The following ANKS1B variants were observed in gnomAD, a reference collection of about 807,000 sequenced individuals.
ANKS1B encodes ankyrin repeat and sterile alpha motif domain containing 1B.
A neutral mutation model predicts 148.3 loss-of-function variants in ANKS1B; 36 were observed. The ratio of observed to expected loss-of-function variants is 0.24; its 90% confidence interval spans 0.19 to 0.32. ANKS1B has a LOEUF of 0.32. ANKS1B is among the 10% of genes least tolerant of loss of function. The pLI, the probability that ANKS1B is intolerant of heterozygous loss-of-function variation, is 1.00. For missense variants in ANKS1B, 1,157 were observed against 1,542.6 expected (o/e 0.75, Z 4.19); for synonymous variants, 542 against 560.8 (o/e 0.97, Z 0.47).
chr12:99,003,529 C>T (rs1197722152), intron 17 of ANKS1B, among the ~76,000 whole-genome samples: 1 of 151,920 alleles, frequency 6.6e-6, no homozygotes, highest in Non-Finnish European at 1.5e-5. Context: ...TTCTCAGAGC[C>T]CATGAAGATA....
intron 14 of ANKS1B, among the ~76,000 whole-genome samples, chr12:99,180,176 T>C (rs1262765286): frequency 6.6e-6 from 1 of 152,248 alleles, no homozygotes; most frequent in African/African-American, 2.4e-5. Context: ...CAAGAATTTC[T>C]AGGATACTTC....
chr12:99,471,969 G>A (rs777982953), intron 10 of ANKS1B, among the ~76,000 whole-genome samples: 4 of 151,988 alleles, frequency 2.6e-5, no homozygotes, highest in Non-Finnish European at 5.9e-5. Context: ...CTTAGAATTC[G>A]TAGTGCAAAA....
chr12:99,388,625 G>C (rs2093959954), intron 12 of ANKS1B, among the ~76,000 whole-genome samples: 1 of 152,166 alleles, frequency 6.6e-6, no homozygotes, highest in South Asian at 2.1e-4. Context: ...TTATCTCACA[G>C]TTTACAAGAG....
chr12:98,745,888 C>CGCGCGGGT, intron 26 of ANKS1B, 39 bp from the exon 27 acceptor site: 1 of 1,580,644 alleles, frequency 6.3e-7, no homozygotes, highest in East Asian at 2.4e-5. Flanking sequence ...ATACGGTCGC[C>CGCGCGGGT]GCGCGGGTGC....
rs2050000180 is a variant in ANKS1B, at chr12:99,082,132, G to T, written c.2625+2793C>A. On this transcript the variant is annotated intron_variant, in intron 16 of 26. Transcript: ENST00000683438. Reference sequence around the variant, plus strand: ...GTGACAGGTGCTATTCTAGAGGCTGGATATATAGAAAAGAGAATAAGACAG... The same window carrying T: ...GTGACAGGTGCTATTCTAGAGGCTGTATATATAGAAAAGAGAATAAGACAG... Among the ~76,000 whole-genome samples, 3 of 152,078 alleles carry T rather than the reference G, an allele frequency of 2.0e-5. No individual in the cohort carries two copies. In the South Asian group the frequency reaches 6.2e-4, roughly 32 times the overall value.
At chr12:98,894,829 C>A (rs1024977479) in intron 17 of ANKS1B, 870 of 982,556 alleles carry the variant, frequency 8.9e-4, no homozygotes, top group Non-Finnish European at 1.0e-3. Flanking sequence ...GGAGCTTGGC[C>A]GCGCCGCGCT....
At chr12:99,966,628 G>A (rs184058555) in intron 1 of ANKS1B, among the ~76,000 whole-genome samples, 6 of 152,236 alleles carry the variant, frequency 3.9e-5, no homozygotes, top group Admixed American at 3.9e-4. Flanking sequence ...AATGATTTTT[G>A]TAAGGGCCTA....
chr12:98,845,724 T>G (rs1267856808), intron 17 of ANKS1B, among the ~76,000 whole-genome samples: 3 of 124,044 alleles, frequency 2.4e-5, no homozygotes, highest in Admixed American at 2.4e-4. Flanking sequence ...TAATTAAAAC[T>G]TTTTTTTTTT....
At chr12:98,830,089 A>G (rs1001731349) in intron 18 of ANKS1B, among the ~76,000 whole-genome samples, 1 of 151,938 alleles carries the variant, frequency 6.6e-6, no homozygotes, top group Non-Finnish European at 1.5e-5. Context: ...GTTCCCCTAA[A>G]TCTCTTCCAG....
chr12:99,491,667 A>G (rs967991140), intron 10 of ANKS1B, among the ~76,000 whole-genome samples: 36 of 151,968 alleles, frequency 2.4e-4, no homozygotes, highest in Non-Finnish European at 4.0e-4. Context: ...TTAGCACCCA[A>G]TTTTAAGTGA....
chr12:99,532,511 C>A (rs929641103), intron 9 of ANKS1B, among the ~76,000 whole-genome samples: 1 of 152,140 alleles, frequency 6.6e-6, no homozygotes, highest in African/African-American at 2.4e-5. Flanking sequence ...CAGGCGCCTG[C>A]CACCCAACCT....
intron 9 of ANKS1B, among the ~76,000 whole-genome samples, chr12:99,630,907 T>C (rs925271759): frequency 3.9e-5 from 6 of 152,186 alleles, no homozygotes; most frequent in South Asian, 2.1e-4. Context: ...CCATGTGTCA[T>C]GGGAGGGACC....
chr12:99,514,332 G>A (rs926932495), intron 9 of ANKS1B, among the ~76,000 whole-genome samples: 7 of 151,952 alleles, frequency 4.6e-5, no homozygotes, highest in African/African-American at 7.2e-5. Flanking sequence ...CATATAGTAC[G>A]TATTTAATAA....
At chr12:99,212,469 C>A (rs1272927350) in intron 14 of ANKS1B, among the ~76,000 whole-genome samples, 3 of 152,114 alleles carry the variant, frequency 2.0e-5, no homozygotes, top group Non-Finnish European at 4.4e-5. Flanking sequence ...AGAAGTATTT[C>A]CCTCCCCTGA....
intron 11 of ANKS1B, among the ~76,000 whole-genome samples, chr12:99,442,014 A>T (rs1260123711): frequency 1.3e-5 from 2 of 151,976 alleles, no homozygotes; most frequent in African/African-American, 4.8e-5. Flanking sequence ...TTATTAACAT[A>T]TATAGGACAA....
chr12:99,484,010 T>A (rs2152943675), intron 10 of ANKS1B, among the ~76,000 whole-genome samples: 1 of 152,156 alleles, frequency 6.6e-6, no homozygotes, highest in East Asian at 1.9e-4. Flanking sequence ...TTTGCTTTGA[T>A]CTTTGTTATC....
chr12:99,692,785 G>A (rs1050268740), intron 8 of ANKS1B, among the ~76,000 whole-genome samples: 1 of 152,150 alleles, frequency 6.6e-6, no homozygotes, highest in African/African-American at 2.4e-5. Flanking sequence ...AAGTCTATGG[G>A]AGGAACCAGT....
Position 99,246,555 on chromosome 12 carries a change from G to C in ANKS1B, c.2066C>G (p.Thr689Arg). The C allele has an allele frequency of 1.2e-6, 2 of 1,613,848 alleles. No homozygotes were observed. Among genetic ancestry groups the C allele is most frequent in the African/African-American group, 1.3e-5 (1 of 75,018 alleles). ...CCGAGATCCACTCCTGGTTGATCTT[G>C]TGCCAACAATGGTATGGTTTTCGAG... ...NQLENHTIVGTRSTRSGSRNG... is the reference protein window; with the variant it reads ...NQLENHTIVGRRSTRSGSRNG... The change falls in exon 13 of 27, where the codon ACA (threonine) becomes AGA (arginine). Residue 689 changes from threonine to arginine, a missense_variant. Transcript: ENST00000683438.
At chr12:98,771,642 TTTTG>T (rs1205121421) in intron 25 of ANKS1B, among the ~76,000 whole-genome samples, 6 of 151,954 alleles carry the variant, frequency 3.9e-5, no homozygotes, top group South Asian at 2.1e-4. Context: ...CCCAGCTAAT[TTTTG>T]TTTGTTTGTT....
Sources: allele counts gnomAD v4.1 joint callset (sites outside exome capture counted in the v4.1 genomes callset), GRCh38; gene constraint gnomAD v4.1.1; transcripts MANE v1.5; gene names NCBI Gene and HGNC (gene_info 2026-07-23, HGNC 2026-07-21).